GALNT13: variants seen among roughly 807,000 people sequenced by gnomAD.
GALNT13 encodes UDP-GalNAc:polypeptide N-acetylgalactosaminyltransferase 13.
Under a neutral mutation model 64.2 loss-of-function variants are expected in GALNT13, and 28 were observed. The ratio of observed to expected loss-of-function variants is 0.44; its 90% CI spans 0.32 to 0.60. The LOEUF is 0.60. Among genes scored for constraint, GALNT13 ranks in the 20% least tolerant of loss-of-function variants. GALNT13 has a pLI of 0.05. For missense variants in GALNT13, 577 were observed against 669.8 expected (o/e 0.86, Z 1.53); for synonymous variants, 214 against 224.6 (o/e 0.95, Z 0.42).
At chr2:153,443,098 A>T in the GALNT13 span, among the ~76,000 whole-genome samples, 1 of 152,244 alleles carries the variant, frequency 6.6e-6, no homozygotes, top group Non-Finnish European at 1.5e-5. Context: ...TGGTGTCTGA[A>T]AAAAAACTCT....
intron 8 of GALNT13, among the ~76,000 whole-genome samples, chr2:154,269,926 T>TATATATATATATA (rs1356571076): frequency 2.1e-4 from 7 of 33,350 alleles, no homozygotes; most frequent in African/African-American, 4.0e-4. Flanking sequence ...ATATATATAT[T>TATATATATATATA]TCTAAAGCAC....
At chr2:153,378,265 TAGATAGATAGA>T in the GALNT13 span, among the ~76,000 whole-genome samples, 1 of 57,782 alleles carries the variant, frequency 1.7e-5, no homozygotes, top group Non-Finnish European at 3.9e-5. Context: ...TATAGATAGA[TAGATAGATAGA>T]TAGATAGATA....
intron 11 of GALNT13, among the ~76,000 whole-genome samples, chr2:154,418,581 TC>T (rs1700125566): frequency 6.6e-6 from 1 of 152,148 alleles, no homozygotes; most frequent in South Asian, 2.1e-4. Context: ...CCCCAGACCC[TC>T]TGGAGGGAAA....
intron 3 of GALNT13, among the ~76,000 whole-genome samples, chr2:154,058,620 GT>G (rs2105361910): frequency 6.6e-6 from 1 of 152,286 alleles, no homozygotes; most frequent in Non-Finnish European, 1.5e-5. Flanking sequence ...TATTTGGGAA[GT>G]TCGCATTCTA....
At chr2:154,243,760 C>T (rs1689624709) in intron 6 of GALNT13, among the ~76,000 whole-genome samples, 1 of 152,080 alleles carries the variant, frequency 6.6e-6, no homozygotes, top group Non-Finnish European at 1.5e-5. Context: ...TACATAACAC[C>T]ATACTTGCAT....
At chr2:153,100,883 G>A in the GALNT13 span, among the ~76,000 whole-genome samples, 3 of 151,980 alleles carry the variant, frequency 2.0e-5, no homozygotes, top group Non-Finnish European at 4.4e-5. Context: ...TACAAAACTA[G>A]CTGGGCATGG....
At chr2:153,489,760 G>A in the GALNT13 span, among the ~76,000 whole-genome samples, 1 of 152,126 alleles carries the variant, frequency 6.6e-6, no homozygotes, top group African/African-American at 2.4e-5. Flanking sequence ...GGAACTATTG[G>A]TTCTCAAACC....
At chr2:153,508,420 T>C in the GALNT13 span, among the ~76,000 whole-genome samples, 3 of 152,114 alleles carry the variant, frequency 2.0e-5, no homozygotes, top group African/African-American at 7.2e-5. Context: ...GGTTGGTTCC[T>C]AGGCCGGTGG....
the GALNT13 span, among the ~76,000 whole-genome samples, chr2:153,098,009 T>G: frequency 2.6e-5 from 4 of 152,146 alleles, no homozygotes; most frequent in Admixed American, 2.0e-4. Context: ...GAGATTGCAG[T>G]GAGCCAAGAT....
At chr2:154,116,036 A>C (rs1681527781) in intron 3 of GALNT13, among the ~76,000 whole-genome samples, 1 of 152,182 alleles carries the variant, frequency 6.6e-6, no homozygotes, top group South Asian at 2.1e-4. Flanking sequence ...TGTGAAGATA[A>C]TCAACATTAT....
At chr2:154,293,477 AG>A (rs1378985716) in intron 8 of GALNT13, among the ~76,000 whole-genome samples, 1 of 152,210 alleles carries the variant, frequency 6.6e-6, no homozygotes, top group Non-Finnish European at 1.5e-5. Context: ...TGGCAATAAA[AG>A]TTAAATAATA....
intron 8 of GALNT13, among the ~76,000 whole-genome samples, chr2:154,300,423 T>C (rs1559077647): frequency 1.3e-5 from 2 of 152,058 alleles, no homozygotes; most frequent in Non-Finnish European, 2.9e-5. Context: ...AGAAAGATAT[T>C]TTTCTTTCAA....
intron 7 of GALNT13, among the ~76,000 whole-genome samples, chr2:154,251,628 CTCT>C (rs1690075016): frequency 6.6e-6 from 1 of 152,178 alleles, no homozygotes; most frequent in Non-Finnish European, 1.5e-5. Context: ...ACAATTTCTT[CTCT>C]ACAGAAAGCC....
chr2:153,670,992 A>G, the GALNT13 span, among the ~76,000 whole-genome samples: 7 of 152,224 alleles, frequency 4.6e-5, no homozygotes, highest in African/African-American at 1.7e-4. Context: ...GCAAGAAGAC[A>G]AGAATAGAGA....
At chr2:154,234,900 A>T (rs1373756157) in intron 4 of GALNT13, among the ~76,000 whole-genome samples, 2 of 152,146 alleles carry the variant, frequency 1.3e-5, no homozygotes, top group African/African-American at 4.8e-5. Flanking sequence ...GATTTGATAG[A>T]TTTATTGTGA....
chr2:153,514,914 C>A, the GALNT13 span, among the ~76,000 whole-genome samples: 1 of 152,100 alleles, frequency 6.6e-6, no homozygotes, highest in Non-Finnish European at 1.5e-5. Context: ...AGAATGTTCT[C>A]CCTCTGCCCA....
chr2:153,216,490 AT>A, the GALNT13 span, among the ~76,000 whole-genome samples: 4 of 151,850 alleles, frequency 2.6e-5, no homozygotes, highest in Non-Finnish European at 5.9e-5. Context: ...TTTTGTAAAC[AT>A]TTTTTTAACC....
the GALNT13 span, among the ~76,000 whole-genome samples, chr2:153,553,305 C>T: frequency 6.6e-6 from 1 of 152,026 alleles, no homozygotes; most frequent in Non-Finnish European, 1.5e-5. Context: ...TTGCGACCAG[C>T]CTGGGCAACA....
At chr2:153,370,933 GT>G in the GALNT13 span, 1 of 204,950 alleles carries the variant, frequency 4.9e-6, no homozygotes, top group East Asian at 1.1e-4. Flanking sequence ...CAAACAGGCT[GT>G]GGAAAAGTTC....
Sources: allele counts gnomAD v4.1 joint callset (sites outside exome capture counted in the v4.1 genomes callset), GRCh38; gene constraint gnomAD v4.1.1; transcripts MANE v1.5; gene names NCBI Gene and HGNC (gene_info 2026-07-23, HGNC 2026-07-21).